Variants in DACH1 observed in about 807,000 individuals in gnomAD.
The protein encoded by DACH1 is dachshund homolog 1.
DACH1 carries 12 observed loss-of-function variants against 54.2 expected under a neutral mutation model. The observed-to-expected ratio is 0.22, with a 90% CI of 0.14 to 0.36. DACH1 has a LOEUF of 0.36. Among genes scored for constraint, DACH1 ranks in the 10% least tolerant of loss-of-function variants. DACH1 has a pLI of 1.00. For synonymous variants in DACH1, 386 were observed against 366.2 expected (o/e 1.05, Z -0.62); for missense variants, 805 against 929.8 (o/e 0.87, Z 1.75).
chr13:71,604,973 CA>C (rs1472031996), intron 3 of DACH1, among the ~76,000 whole-genome samples: 125 of 151,984 alleles, frequency 8.2e-4, no homozygotes, highest in African/African-American at 2.9e-3. Context: ...CCCCCATTGA[CA>C]AAGTGGTCTA....
intron 3 of DACH1, among the ~76,000 whole-genome samples, chr13:71,599,584 A>G (rs1874348363): frequency 6.6e-6 from 1 of 152,138 alleles, no homozygotes; most frequent in Non-Finnish European, 1.5e-5. Flanking sequence ...CAATTAATAC[A>G]CATCTCTCCA....
chr13:71,735,164 TG>T (rs1333139884), intron 1 of DACH1, among the ~76,000 whole-genome samples: 1 of 151,388 alleles, frequency 6.6e-6, no homozygotes, highest in Admixed American at 6.6e-5. Flanking sequence ...TACATGTATA[TG>T]GGATACTCGT....
intron 10 of DACH1, among the ~76,000 whole-genome samples, chr13:71,447,615 C>T (rs1413861378): frequency 5.3e-5 from 8 of 152,048 alleles, no homozygotes; most frequent in Admixed American, 5.2e-4. Context: ...GGGTGGATCA[C>T]GAGGTCAGGA....
intron 10 of DACH1, among the ~76,000 whole-genome samples, chr13:71,450,374 T>C (rs1200147544): frequency 6.6e-6 from 1 of 152,128 alleles, no homozygotes; most frequent in African/African-American, 2.4e-5. Flanking sequence ...CTATTGTAAC[T>C]GTTTTGGGGG....
At chr13:71,591,770 C>T (rs371244512) in intron 3 of DACH1, among the ~76,000 whole-genome samples, 1 of 152,112 alleles carries the variant, frequency 6.6e-6, no homozygotes, top group Admixed American at 6.6e-5. Flanking sequence ...TATCTGATGA[C>T]ATTTTAAGGT....
chr13:71,841,046 G>A (rs561597202), intron 1 of DACH1, among the ~76,000 whole-genome samples: 3 of 152,282 alleles, frequency 2.0e-5, no homozygotes, highest in South Asian at 2.1e-4. Context: ...CCTTCATGAA[G>A]AGGATATTCA....
intron 3 of DACH1, among the ~76,000 whole-genome samples, chr13:71,575,554 CTA>C (rs781741708): frequency 1.2e-3 from 178 of 152,082 alleles, no homozygotes; most frequent in Non-Finnish European, 2.1e-3. Context: ...CACAATAACT[CTA>C]TTTTTCACAT....
chr13:71,572,942 G>A lies in DACH1; in HGVS notation c.1197C>T (p.Thr399=). 6.2e-7 allele frequency: 1 copy of A among 1,614,062 alleles called. No homozygotes were observed. Among genetic ancestry groups the A allele is most frequent in the South Asian group, 1.1e-5 (1 of 91,074 alleles). The change falls in exon 4 of 11, where the codon ACC becomes ACT. Residue 399 remains threonine, a synonymous_variant. Coordinates refer to ENST00000613252, the MANE Select transcript of DACH1 (RefSeq NM_080759.6). ...IPVSLPPASV[T]MAMSQMNHLS... is the part of the protein sequence containing the mutation. The stretch of plus-strand genomic sequence containing the variant: ...GGTGGTTCATCTGGCTCATTGCCAT[G>A]GTGACAGATGCTGGAGGTAGGCTGA...
chr13:71,712,265 C>A (rs936482192), intron 1 of DACH1, among the ~76,000 whole-genome samples: 15 of 151,488 alleles, frequency 9.9e-5, no homozygotes, highest in Non-Finnish European at 2.1e-4. Context: ...CTTAGAACTT[C>A]AATCTGAAAA....
chr13:71,568,911 T>TTGTG (rs1410261728), intron 4 of DACH1, among the ~76,000 whole-genome samples: 1 of 152,002 alleles, frequency 6.6e-6, no homozygotes, highest in African/African-American at 2.4e-5. Flanking sequence ...GGAGAGGAAA[T>TTGTG]TGTGCATATA....
intron 4 of DACH1, among the ~76,000 whole-genome samples, chr13:71,567,669 G>T (rs533034642): frequency 3.4e-4 from 52 of 152,024 alleles, no homozygotes; most frequent in East Asian, 2.1e-3. Flanking sequence ...AACCTAATGG[G>T]GTAGTGCTGT....
At chr13:71,448,421 G>A (rs981337314) in intron 10 of DACH1, among the ~76,000 whole-genome samples, 9 of 152,194 alleles carry the variant, frequency 5.9e-5, no homozygotes, top group African/African-American at 1.9e-4. Context: ...ATAAGACAAC[G>A]AAAGGAAGTC....
chr13:71,730,980 T>C (rs1883715167), intron 1 of DACH1, among the ~76,000 whole-genome samples: 1 of 151,148 alleles, frequency 6.6e-6, no homozygotes, highest in Non-Finnish European at 1.5e-5. Flanking sequence ...TTAATTTATA[T>C]TTTTTTCAAA....
At chr13:71,781,125 ATTTTGTTATGGTAAGT>A (rs1265173457) in intron 1 of DACH1, among the ~76,000 whole-genome samples, 2 of 151,984 alleles carry the variant, frequency 1.3e-5, no homozygotes, top group African/African-American at 4.8e-5. Flanking sequence ...ACAGAGCGAG[ATTTTGTTATGGTAAGT>A]TTGAAACTTT....
At chr13:71,539,595 A>G (rs1032398671) in intron 6 of DACH1, among the ~76,000 whole-genome samples, 1 of 152,084 alleles carries the variant, frequency 6.6e-6, no homozygotes, top group Non-Finnish European at 1.5e-5. Flanking sequence ...ATGTGCACAA[A>G]TTCCCCGAGG....
At chr13:71,543,240 A>G (rs1883249129) in intron 6 of DACH1, among the ~76,000 whole-genome samples, 2 of 152,248 alleles carry the variant, frequency 1.3e-5, no homozygotes, top group Admixed American at 6.6e-5. Context: ...ATGTAATTGC[A>G]TCACTTTTGG....
At chr13:71,442,503 A>T (rs1010083329) in intron 10 of DACH1, among the ~76,000 whole-genome samples, 3 of 152,124 alleles carry the variant, frequency 2.0e-5, no homozygotes, top group Admixed American at 6.6e-5. Context: ...AAACATCTTA[A>T]TAAACATTTG....
intron 1 of DACH1, among the ~76,000 whole-genome samples, chr13:71,810,913 T>A (rs1237553962): frequency 6.6e-6 from 1 of 152,178 alleles, no homozygotes; most frequent in Non-Finnish European, 1.5e-5. Flanking sequence ...CTGCAATGGC[T>A]CTTGTACTCA....
intron 6 of DACH1, among the ~76,000 whole-genome samples, chr13:71,538,591 A>G (rs1463193270): frequency 6.6e-6 from 1 of 152,116 alleles, no homozygotes; most frequent in Non-Finnish European, 1.5e-5. Flanking sequence ...TCACATTTTA[A>G]TAAAATCAAC....
Sources: gnomAD v4.1 joint callset for allele counts (sites outside exome capture counted in the v4.1 genomes callset) on GRCh38, gnomAD v4.1.1 for gene constraint, MANE v1.5 for transcripts, NCBI Gene and HGNC (gene_info 2026-07-23, HGNC 2026-07-21) for gene names.